Variants in NIN observed in about 807,000 individuals in gnomAD.
NIN encodes the protein glycogen synthase kinase 3 beta-interacting protein.
NIN carries 137 observed loss-of-function variants against 257.6 expected under a neutral mutation model. That is an observed-to-expected ratio of 0.53 (90% confidence interval 0.46 to 0.61). The LOEUF (loss-of-function observed/expected upper bound fraction) is 0.61, where lower values mean the gene tolerates loss of function less well. Ranked by LOEUF, NIN falls within the 20% of genes least tolerant of loss-of-function variation. NIN has a pLI of 0.00. For missense variants in NIN, 2,439 were observed against 2,501.2 expected (o/e 0.98, Z 0.53); for synonymous variants, 918 against 919.8 (o/e 1.00, Z 0.04).
Position 50,758,590 on chromosome 14 carries a change from T to C in NIN, c.2440A>G (p.Ile814Val), listed in dbSNP as rs2042141529. Residue 814 changes from isoleucine to valine, a missense_variant, in exon 18 of 31, where the codon ATA (isoleucine) becomes GTA (valine). Ile to Val is a conservative substitution (Grantham distance 29). Transcript: ENST00000530997. ...ETECNRRTSQ[I>V]EAQFQSDCQK... is the part of the protein sequence containing the mutation. ...CAATCAGACTGAAACTGGGCTTCTA[T>C]TTGAGAGGTTCTTCTATTACACTCT... is the stretch of plus-strand genomic sequence containing the variant. The C allele has an allele frequency of 6.3e-7, 1 of 1,597,538 alleles. No individual in the cohort carries two copies. Among genetic ancestry groups the C allele is most frequent in the Admixed American group, 1.8e-5 (1 of 55,896 alleles).
In NIN at chr14:50,721,269, T is replaced by C. The variant is rs1397841249; in HGVS notation, c.*2194A>G. On this transcript the variant is annotated 3_prime_UTR_variant, in exon 31 of 31. Transcript: ENST00000530997. ...TGATTTTGAATAGAGATTCTAAATG[T>C]AGTCTAAACTTTCCAGAAAGTCATA... 4.9e-6 allele frequency: 1 copy of C among 203,994 alleles called. No homozygotes were observed. The highest frequency in any genetic ancestry group is 6.0e-5 in the Admixed American group (1 of 16,766). The allele number at this position is 203,994 out of a possible 1,614,324, so 12.6% of individuals were successfully genotyped here.
chr14:50,813,136 G>T (rs934417986), intron 3 of NIN, among the ~76,000 whole-genome samples: 1 of 152,188 alleles, frequency 6.6e-6, no homozygotes, highest in Non-Finnish European at 1.5e-5. Context: ...CCGAAATGTT[G>T]ATGAACACCC....
intron 5 of NIN, 71 bp downstream of exon 5, chr14:50,792,641 T>C: frequency 6.4e-7 from 1 of 1,552,456 alleles, no homozygotes; most frequent in Non-Finnish European, 8.8e-7. Flanking sequence ...TCAGCTCCCC[T>C]GTCTCTGTGC....
Position 50,763,876 on chromosome 14 carries a change from G to A in NIN, c.1724C>T (p.Ser575Leu). Reference sequence around the variant, plus strand: ...GTTAGCCTCAACTTCTTCTGACGGTGAGTTCTTCAACGGAAGCCTGAGCAC... The same window carrying A: ...GTTAGCCTCAACTTCTTCTGACGGTAAGTTCTTCAACGGAAGCCTGAGCAC... ...GRVLRLPLKN[S>L]PSEEVEANSG... The change falls in exon 15 of 31, where the codon TCA becomes TTA. Residue 575 changes from serine to leucine, a missense_variant. Around this residue, in one of 3 missense-constraint regions of NIN, gnomAD observed 2,043 missense variants for 2,050.2 expected, o/e 1.00. Coordinates refer to ENST00000530997, the MANE Select transcript of NIN (RefSeq NM_020921.4). 1 of 1,613,986 alleles carries A rather than the reference G, an allele frequency of 6.2e-7. No individual in the cohort carries two copies. The highest frequency in any genetic ancestry group is 8.5e-7 in the Non-Finnish European group (1 of 1,179,844).
rs146903044 is a variant in NIN, at chr14:50,776,369, ATT to A, written c.666+578_666+579del. ...CAAAACAACCAAACTACCCTTTACCATTTTCTCATGACCAGAATATTGTAATG... is the reference window on the plus strand; with the variant it reads ...CAAAACAACCAAACTACCCTTTACCATTCTCATGACCAGAATATTGTAATG... On this transcript the variant is annotated intron_variant, in intron 7 of 30. Coordinates refer to ENST00000530997, the MANE Select transcript of NIN (RefSeq NM_020921.4). Among the ~76,000 whole-genome samples, 851 of 152,044 alleles carry A rather than the reference ATT, an allele frequency of 5.6e-3. 8 individuals carry two copies. Among genetic ancestry groups the A allele is most frequent in the African/African-American group, 0.02 (815 of 41,454 alleles).
At chr14:50,803,557 A>G (rs907433129) in intron 4 of NIN, among the ~76,000 whole-genome samples, 10 of 152,258 alleles carry the variant, frequency 6.6e-5, no homozygotes, top group African/African-American at 2.4e-4. Context: ...TGGCTCACCC[A>G]TTTGAAAGCT....
At chr14:50,818,976 C>T (rs1043852496) in intron 3 of NIN, among the ~76,000 whole-genome samples, 6 of 151,486 alleles carry the variant, frequency 4.0e-5, no homozygotes, top group African/African-American at 1.2e-4. Context: ...CCTGGTTGAG[C>T]GAGACAATGC....
chr14:50,734,086 ATTT>A (rs200910856), intron 28 of NIN, among the ~76,000 whole-genome samples: 1 of 138,320 alleles, frequency 7.2e-6, no homozygotes, highest in Non-Finnish European at 1.6e-5. Context: ...TTTCTTCTTT[ATTT>A]TTTTTTTTTT....
In NIN at chr14:50,726,075, A is replaced by G. The variant is rs1004399545; in HGVS notation, c.6079-9T>C. 1 of 1,602,156 alleles carries G rather than the reference A, an allele frequency of 6.2e-7. No individual in the cohort carries two copies. The highest frequency in any genetic ancestry group is 1.3e-5 in the African/African-American group (1 of 74,656). On this transcript the variant is annotated splice_polypyrimidine_tract_variant and intron_variant, in intron 29 of 30. Transcript: ENST00000530997. ...AGTTGTTCCTGGTTTCCCTGAAGGG[A>G]AGAAAAGTATATTATTCGAAAATCA...
intron 2 of NIN, among the ~76,000 whole-genome samples, chr14:50,826,140 C>T (rs562571598): frequency 6.6e-6 from 1 of 152,112 alleles, no homozygotes. Flanking sequence ...TAACTGGTAC[C>T]CACCAGAGGC....
intron 4 of NIN, among the ~76,000 whole-genome samples, chr14:50,804,546 C>G (rs1352809654): frequency 6.6e-6 from 1 of 152,248 alleles, no homozygotes; most frequent in African/African-American, 2.4e-5. Flanking sequence ...AAAATCCCTT[C>G]TGTGTGTCTT....
chr14:50,769,372 A>G (rs1363569656), intron 12 of NIN, among the ~76,000 whole-genome samples: 3 of 152,184 alleles, frequency 2.0e-5, no homozygotes, highest in African/African-American at 7.2e-5. Flanking sequence ...CACTTCTTTC[A>G]CTGAGACACA....
At chr14:50,778,536 A>T (rs2043006136) in intron 6 of NIN, among the ~76,000 whole-genome samples, 1 of 152,238 alleles carries the variant, frequency 6.6e-6, no homozygotes, top group Non-Finnish European at 1.5e-5. Flanking sequence ...TGTATAAGAG[A>T]GAAATTAGCC....
In NIN at chr14:50,752,753, G is replaced by C. The variant is rs374844682; in HGVS notation, c.4735-20C>G. On this transcript the variant is annotated intron_variant, in intron 20 of 30. Transcript: ENST00000530997. ...TGAAATCTAATTAAAATTAAAATAA[G>C]TTTTTCAAACTTGTTACCCTACTTG... 22 of 1,266,252 alleles carry C rather than the reference G, an allele frequency of 1.7e-5. No individual in the cohort carries two copies. The African/African-American group carries it at 3.3e-4, about 19-fold the overall frequency. 78.4% of individuals were successfully genotyped at this position (1,266,252 alleles called of 1,614,324 possible).
chr14:50,822,438 C>T (rs991332961), intron 2 of NIN, among the ~76,000 whole-genome samples: 3 of 152,252 alleles, frequency 2.0e-5, no homozygotes, highest in African/African-American at 7.2e-5. Context: ...CCCAGCTCTT[C>T]TAGCCCAGGA....
intron 5 of NIN, among the ~76,000 whole-genome samples, chr14:50,790,170 T>C (rs2142002549): frequency 6.6e-6 from 1 of 152,286 alleles, no homozygotes; most frequent in South Asian, 2.1e-4. Flanking sequence ...TCCTTCCACC[T>C]CAGCCTCCCC....
In NIN at chr14:50,792,802, C is replaced by T. The variant is rs750694033; in HGVS notation, c.345G>A (p.Glu115=). The T allele has an allele frequency of 6.2e-7, 1 of 1,614,234 alleles. No individual in the cohort carries two copies. The highest frequency in any genetic ancestry group is 8.5e-7 in the Non-Finnish European group (1 of 1,180,038). ...TCACTTCAGGAAACTCCTCCACGGA[C>T]TCTTGGAACTCGGGCAAGGACCTTC... is the stretch of plus-strand genomic sequence containing the variant. ...YGRRSLPEFQ[E]SVEEFPEVTV... Residue 115 remains glutamate, a synonymous_variant, in exon 5 of 31, where the codon GAG becomes GAA. Transcript: ENST00000530997.
chr14:50,772,003 CAAAAAACAAAA>C (rs2042753650), intron 9 of NIN: 2 of 194,778 alleles, frequency 1.0e-5, no homozygotes, highest in Middle Eastern at 2.8e-3. Context: ...AAACAAACAA[CAAAAAACAAAA>C]AAAAAACACA....
chr14:50,806,725 G>A lies in NIN; in HGVS notation c.265+12C>T. On this transcript the variant is annotated intron_variant, in intron 4 of 30. Coordinates refer to ENST00000530997, the MANE Select transcript of NIN (RefSeq NM_020921.4). ...AAAGGGGAAGGCAGAGAAGAGAAGT[G>A]AGTGACCTTACCTGGTTCTTGAAAG... The A allele has an allele frequency of 1.3e-5, 20 of 1,491,872 alleles. No homozygotes were observed. The highest frequency in any genetic ancestry group is 1.8e-5 in the Non-Finnish European group (19 of 1,075,064). 92.4% of individuals were successfully genotyped at this position (1,491,872 alleles called of 1,614,324 possible). A position where few individuals can be genotyped will look rare whatever the true frequency, so the allele number is the denominator to read the frequency against.
Sources: gnomAD v4.1 joint callset for allele counts (sites outside exome capture counted in the v4.1 genomes callset) on GRCh38, gnomAD v4.1.1 for gene constraint, gnomAD v4.1.1 regional missense constraint, MANE v1.5 for transcripts, NCBI Gene and HGNC (gene_info 2026-07-23, HGNC 2026-07-21) for gene names.